CNTNAP5: variants seen among roughly 807,000 people sequenced by gnomAD.
The protein encoded by CNTNAP5 is contactin-associated protein-like 5.
CNTNAP5 carries 72 observed loss-of-function variants against 150.2 expected under a neutral mutation model. The observed-to-expected ratio is 0.48, with a 90% CI of 0.40 to 0.58. The LOEUF (loss-of-function observed/expected upper bound fraction) is 0.58, where lower values mean the gene tolerates loss of function less well. Among genes scored for constraint, CNTNAP5 ranks in the 20% least tolerant of loss-of-function variants. The pLI, the probability that CNTNAP5 is intolerant of heterozygous loss-of-function variation, is 0.00. For missense variants in CNTNAP5, 1,636 were observed against 1,626.2 expected (o/e 1.01, Z -0.10); for synonymous variants, 672 against 619.8 (o/e 1.08, Z -1.25).
At chr2:124,859,281 T>C (rs1355342524) in intron 19 of CNTNAP5, among the ~76,000 whole-genome samples, 1 of 152,100 alleles carries the variant, frequency 6.6e-6, no homozygotes, top group African/African-American at 2.4e-5. Context: ...AAGAAGACAT[T>C]TATGCAGCCA....
At chr2:124,459,782 G>A (rs1021282330) in intron 6 of CNTNAP5, among the ~76,000 whole-genome samples, 1 of 117,346 alleles carries the variant, frequency 8.5e-6, no homozygotes, top group Non-Finnish European at 1.8e-5. Flanking sequence ...AAAAAAAAAG[G>A]AATTGTGTTC....
chr2:124,125,327 T>C (rs191483640), intron 1 of CNTNAP5, among the ~76,000 whole-genome samples: 1 of 152,126 alleles, frequency 6.6e-6, no homozygotes, highest in East Asian at 1.9e-4. Context: ...GGCCATTACA[T>C]AATGGTAAAG....
Position 124,419,153 on chromosome 2 carries a change from A to AAACAAAAAAC in CNTNAP5, c.529+1565_529+1566insCAAAAAACAA, listed in dbSNP as rs1553466548. On this transcript the variant is annotated intron_variant, in intron 4 of 23. Coordinates refer to ENST00000682447, the MANE Select transcript of CNTNAP5 (RefSeq NM_001367498.1). ...GAGACTCCTTCTCAAAAAAAAAAAA[A>AAACAAAAAAC]AAAAAAAAAACAGTATGAAGCTTTT... Among the ~76,000 whole-genome samples, 26 of 76,422 alleles carry AAACAAAAAAC rather than the reference A, an allele frequency of 3.4e-4. 3 individuals are homozygous for AAACAAAAAAC. The highest frequency in any genetic ancestry group is 3.0e-3 in the East Asian group (7 of 2,330). 50.1% of individuals were successfully genotyped at this position (76,422 alleles called of 152,430 possible). A position where few individuals can be genotyped will look rare whatever the true frequency, so the allele number is the denominator to read the frequency against.
intron 10 of CNTNAP5, among the ~76,000 whole-genome samples, chr2:124,536,410 A>G (rs1434708951): frequency 6.6e-6 from 1 of 152,030 alleles, no homozygotes; most frequent in African/African-American, 2.4e-5. Flanking sequence ...ACCCAATTCT[A>G]CTAGATCAGA....
intron 14 of CNTNAP5, among the ~76,000 whole-genome samples, chr2:124,753,905 A>G (rs573677986): frequency 6.6e-6 from 1 of 152,224 alleles, no homozygotes; most frequent in Non-Finnish European, 1.5e-5. Context: ...TCCAAAAGTT[A>G]TCTTTGTATA....
At chr2:124,429,275 A>G (rs569080100) in intron 4 of CNTNAP5, among the ~76,000 whole-genome samples, 2 of 152,286 alleles carry the variant, frequency 1.3e-5, no homozygotes, top group African/African-American at 2.4e-5. Flanking sequence ...ATGCATAGGA[A>G]TATCAGAAAT....
intron 3 of CNTNAP5, among the ~76,000 whole-genome samples, chr2:124,395,536 G>C (rs1210902029): frequency 6.6e-6 from 1 of 151,962 alleles, no homozygotes; most frequent in African/African-American, 2.4e-5. Flanking sequence ...TAATAAAGGA[G>C]TCAGTAGTTG....
intron 1 of CNTNAP5, among the ~76,000 whole-genome samples, chr2:124,220,157 T>G (rs1170609): frequency 0.97 from 147,844 of 151,960 alleles, 72,034 homozygotes; most frequent in East Asian, 1. Context: ...AAAAAAAAAA[T>G]AAATCAAACC....
intron 1 of CNTNAP5, among the ~76,000 whole-genome samples, chr2:124,099,101 A>AG (rs1683006249): frequency 6.6e-6 from 1 of 152,150 alleles, no homozygotes; most frequent in African/African-American, 2.4e-5. Context: ...TGCCGCATAT[A>AG]TCCATCCTCA....
intron 12 of CNTNAP5, among the ~76,000 whole-genome samples, chr2:124,627,603 A>T (rs960132677): frequency 1.3e-5 from 2 of 152,098 alleles, no homozygotes; most frequent in African/African-American, 2.4e-5. Flanking sequence ...ATCCATGAAG[A>T]TGAGGAAAAA....
intron 16 of CNTNAP5, among the ~76,000 whole-genome samples, chr2:124,766,494 A>G (rs980889318): frequency 1.1e-4 from 17 of 152,012 alleles, no homozygotes; most frequent in Non-Finnish European, 2.4e-4. Flanking sequence ...TGCAGTTACC[A>G]CACAATACAT....
intron 1 of CNTNAP5, among the ~76,000 whole-genome samples, chr2:124,169,058 G>C (rs1358674): frequency 0.97 from 147,373 of 152,154 alleles, 71,547 homozygotes; most frequent in East Asian, 1. Flanking sequence ...TCGGAGCACT[G>C]CCTCCATGTT....
At chr2:124,736,934 G>A (rs1680394706) in intron 13 of CNTNAP5, among the ~76,000 whole-genome samples, 1 of 151,784 alleles carries the variant, frequency 6.6e-6, no homozygotes, top group Non-Finnish European at 1.5e-5. Context: ...ATTCCAATGG[G>A]GAATACATTA....
intron 13 of CNTNAP5, among the ~76,000 whole-genome samples, chr2:124,698,482 TA>T (rs1679452696): frequency 6.6e-6 from 1 of 152,086 alleles, no homozygotes; most frequent in Non-Finnish European, 1.5e-5. Flanking sequence ...TCTTTTTTCT[TA>T]AACTTTTGTA....
chr2:124,502,072 G>T (rs1694290905), intron 7 of CNTNAP5, among the ~76,000 whole-genome samples: 1 of 152,144 alleles, frequency 6.6e-6, no homozygotes, highest in Admixed American at 6.5e-5. Context: ...ATATCCCAGT[G>T]CATTTCAAAG....
intron 19 of CNTNAP5, among the ~76,000 whole-genome samples, chr2:124,836,157 T>C (rs1407201548): frequency 6.6e-6 from 1 of 152,082 alleles, no homozygotes; most frequent in Non-Finnish European, 1.5e-5. Context: ...TCCGAGGGGA[T>C]AGTTTTAGGA....
At chr2:124,367,168 G>A (rs943730265) in intron 3 of CNTNAP5, among the ~76,000 whole-genome samples, 4 of 152,208 alleles carry the variant, frequency 2.6e-5, no homozygotes, top group African/African-American at 9.6e-5. Flanking sequence ...TTGACGAACA[G>A]AGACAAGCAT....
chr2:124,061,529 G>T (rs754804175), intron 1 of CNTNAP5, among the ~76,000 whole-genome samples: 10 of 152,108 alleles, frequency 6.6e-5, no homozygotes, highest in Non-Finnish European at 1.2e-4. Context: ...TTTCCTAAAA[G>T]AAAGAAGACC....
chr2:124,127,366 C>G (rs1180737661), intron 1 of CNTNAP5, among the ~76,000 whole-genome samples: 1 of 152,052 alleles, frequency 6.6e-6, no homozygotes, highest in Non-Finnish European at 1.5e-5. Context: ...TGTGAAGGAC[C>G]TTTTCAAGGA....
Sources: gnomAD v4.1 joint callset for allele counts (sites outside exome capture counted in the v4.1 genomes callset) on GRCh38, gnomAD v4.1.1 for gene constraint, MANE v1.5 for transcripts, NCBI Gene and HGNC (gene_info 2026-07-23, HGNC 2026-07-21) for gene names.